CFAP69: variants seen among roughly 807,000 people sequenced by gnomAD.
CFAP69 encodes cilia- and flagella-associated protein 69.
Under a neutral mutation model 123.0 loss-of-function variants are expected in CFAP69, and 92 were observed. The ratio of observed to expected loss-of-function variants is 0.75; its 90% CI spans 0.63 to 0.89. The LOEUF is 0.89. Ranked by LOEUF, CFAP69 falls within the 40% of genes least tolerant of loss-of-function variation. The probability of loss-of-function intolerance (pLI) is 0.00; values close to 1 mark genes in which losing one functional copy is unlikely to be tolerated. For missense variants in CFAP69, 1,067 were observed against 1,096.9 expected (o/e 0.97, Z 0.39); for synonymous variants, 380 against 364.3 (o/e 1.04, Z -0.49).
intron 13 of CFAP69, among the ~76,000 whole-genome samples, chr7:90,283,797 T>C (rs1174968658): frequency 6.6e-6 from 1 of 152,178 alleles, no homozygotes; most frequent in African/African-American, 2.4e-5. Flanking sequence ...TAGATGTCAA[T>C]TAATTATAAA....
intron 8 of CFAP69, chr7:90,272,191 G>T (rs907789180): frequency 2.8e-6 from 1 of 356,422 alleles, no homozygotes; most frequent in Non-Finnish European, 5.0e-6. Context: ...ATATAACTTG[G>T]AATATAGATA....
the CFAP69 span, chr7:90,320,746 C>A: frequency 0.5 from 75,952 of 152,258 alleles, 19,920 homozygotes; most frequent in Non-Finnish European, 0.59. Context: ...AGAAATCATA[C>A]GAATCAAATC....
chr7:90,305,327 C>T (rs576706093), intron 19 of CFAP69, among the ~76,000 whole-genome samples: 30 of 141,342 alleles, frequency 2.1e-4, no homozygotes, highest in African/African-American at 4.2e-4. Flanking sequence ...GGCGACAGAG[C>T]GAGACTCCGT....
intron 8 of CFAP69, 100 bp from the exon 9 acceptor site, chr7:90,273,887 C>A: frequency 2.2e-6 from 2 of 927,096 alleles, no homozygotes; most frequent in Non-Finnish European, 3.1e-6. Flanking sequence ...CTCCTAAAAC[C>A]ATCACATTGG....
chr7:90,305,323 A>G (rs1793403178), intron 19 of CFAP69, among the ~76,000 whole-genome samples: 1 of 150,838 alleles, frequency 6.6e-6, no homozygotes, highest in Non-Finnish European at 1.5e-5. Context: ...CCTGGGCGAC[A>G]GAGCGAGACT....
intron 4 of CFAP69, among the ~76,000 whole-genome samples, chr7:90,264,104 AATATAT>A (rs71104454): frequency 6.2e-3 from 301 of 48,640 alleles, no homozygotes; most frequent in South Asian, 0.012. Flanking sequence ...AAAAAAAAAA[AATATAT>A]ATATATATAT....
At chr7:90,261,082 A>AT (rs372399718) in intron 3 of CFAP69, among the ~76,000 whole-genome samples, 26,788 of 145,838 alleles carry the variant, frequency 0.18, 2,500 homozygotes, top group Middle Eastern at 0.2. Context: ...TGCCAATAGG[A>AT]TTTTTTTTTT....
At chr7:90,289,317 A>G (rs1475545132) in intron 15 of CFAP69, among the ~76,000 whole-genome samples, 2 of 151,898 alleles carry the variant, frequency 1.3e-5, no homozygotes, top group Admixed American at 1.3e-4. Flanking sequence ...TTACCAACAC[A>G]CTGCGTTGTA....
At chr7:90,280,035 A>G in intron 12 of CFAP69, 142 bp downstream of exon 12, 1 of 583,386 alleles carries the variant, frequency 1.7e-6, no homozygotes, top group Non-Finnish European at 2.7e-6. Flanking sequence ...TAATGTATTT[A>G]TATGTTGTTT....
intron 15 of CFAP69, among the ~76,000 whole-genome samples, chr7:90,291,501 G>A (rs546409664): frequency 2.7e-4 from 41 of 152,266 alleles, no homozygotes; most frequent in Admixed American, 7.2e-4. Context: ...TTAGAATGCC[G>A]TGACCATCTG....
intron 11 of CFAP69, among the ~76,000 whole-genome samples, chr7:90,278,425 T>G (rs142097847): frequency 1.3e-5 from 2 of 152,246 alleles, no homozygotes; most frequent in East Asian, 3.9e-4. Context: ...AACTTTATTA[T>G]TTGTGACAAA....
rs765779201 is a variant in CFAP69 at position 90,277,143 on chromosome 7, ACTT to A, written c.1033+26_1033+28del. ...GAAGGTAAAAAGAATAAAACTTTAA[ACTT>A]CTTATAATTATCTTGATAAGTCTTG... On this transcript the variant is annotated intron_variant, in intron 10 of 22. Transcript: ENST00000389297. The A allele has an allele frequency of 3.8e-6, 6 of 1,573,254 alleles. No individual in the cohort carries two copies. The South Asian group carries it at 7.1e-5, about 19-fold the overall frequency.
chr7:90,258,667 T>G (rs1383282125), intron 3 of CFAP69, among the ~76,000 whole-genome samples: 1 of 152,188 alleles, frequency 6.6e-6, no homozygotes, highest in Non-Finnish European at 1.5e-5. Context: ...GTTCCAGGAA[T>G]TAGGACATAG....
At chr7:90,311,597 T>C (rs544269629), downstream of CFAP69, among the ~76,000 whole-genome samples, 1 of 152,316 alleles carries the variant, frequency 6.6e-6, no homozygotes, top group South Asian at 2.1e-4. Flanking sequence ...TTCCTCCTTC[T>C]TCTTTCCTCC....
At chr7:90,255,914 G>A (rs1441887235) in intron 2 of CFAP69, among the ~76,000 whole-genome samples, 2 of 152,162 alleles carry the variant, frequency 1.3e-5, no homozygotes, top group Non-Finnish European at 1.5e-5. Flanking sequence ...TATATAAGAT[G>A]TAATGGAAAT....
downstream of CFAP69, among the ~76,000 whole-genome samples, chr7:90,315,924 C>G (rs190470558): frequency 7.5e-3 from 1,139 of 152,196 alleles, 53 homozygotes; most frequent in Admixed American, 0.067. Flanking sequence ...GAAACCCTGT[C>G]TCTACTAAAA....
chr7:90,281,754 T>A (rs1482746387), intron 12 of CFAP69, among the ~76,000 whole-genome samples: 1 of 152,190 alleles, frequency 6.6e-6, no homozygotes, highest in East Asian at 1.9e-4. Context: ...AAAAGATCGA[T>A]GCATTTAACT....
chr7:90,272,699 C>A (rs1800133197), intron 8 of CFAP69, among the ~76,000 whole-genome samples: 1 of 152,064 alleles, frequency 6.6e-6, no homozygotes, highest in Non-Finnish European at 1.5e-5. Flanking sequence ...TTCGTCCCTC[C>A]TCTCTCTACA....
chr7:90,261,295 G>A (rs971611011), intron 3 of CFAP69, among the ~76,000 whole-genome samples: 2 of 152,096 alleles, frequency 1.3e-5, no homozygotes, highest in Admixed American at 6.6e-5. Flanking sequence ...GGCTGGTCTC[G>A]AACTCCTGAC....
Sources: gnomAD v4.1 joint callset for allele counts (sites outside exome capture counted in the v4.1 genomes callset) on GRCh38, gnomAD v4.1.1 for gene constraint, MANE v1.5 for transcripts, NCBI Gene and HGNC (gene_info 2026-07-23, HGNC 2026-07-21) for gene names.